The following TMEM209 variants were observed in gnomAD, a reference collection of about 807,000 sequenced individuals.
The protein encoded by TMEM209 is transmembrane protein 209.
In TMEM209, 65 loss-of-function variants were observed where a neutral mutation model predicts 76.2. The ratio of observed to expected loss-of-function variants is 0.85; its 90% CI spans 0.70 to 1.05. The LOEUF is 1.05. Among genes scored for constraint, TMEM209 ranks in the 50% least tolerant of loss-of-function variants. The pLI, the probability that TMEM209 is intolerant of heterozygous loss-of-function variation, is 0.00. For synonymous variants in TMEM209, 239 were observed against 237.6 expected, an observed-to-expected ratio of 1.01 and a Z score of -0.06; for missense variants, 623 against 685.5, an observed-to-expected ratio of 0.91 and a Z score of 1.02.
In TMEM209 at chr7:130,203,819, G is replaced by C; in HGVS notation, c.168C>G (p.Tyr56Ter). 6.2e-7 allele frequency: 1 copy of C among 1,605,664 alleles called. No homozygotes were observed. The change falls in exon 3 of 15, where the codon TAC becomes TAG. Residue 56 changes from tyrosine (Y) to a stop codon, truncating the protein, a stop_gained. Transcript: ENST00000397622. LOFTEE classifies it high-confidence loss of function. ...EMTGKLISSYYNVTYWPLWYI... is the reference protein window; with the variant it reads ...EMTGKLISSY ...ACCAGAGGGGCCAGTATGTCACATT[G>C]TAGTATGAACTAATCAATTTTCCAG...
intron 5 of TMEM209, among the ~76,000 whole-genome samples, chr7:130,197,108 A>G (rs1159068505): frequency 6.6e-6 from 1 of 152,196 alleles, no homozygotes; most frequent in East Asian, 1.9e-4. Flanking sequence ...AAAATTAAAA[A>G]TTGATACATA....
At chr7:130,176,414 C>T (rs1797239192) in intron 10 of TMEM209, among the ~76,000 whole-genome samples, 1 of 152,070 alleles carries the variant, frequency 6.6e-6, no homozygotes, top group South Asian at 2.1e-4. Flanking sequence ...AGCCACCGTG[C>T]CCAGCCCACT....
intron 6 of TMEM209, among the ~76,000 whole-genome samples, chr7:130,190,332 A>T (rs2117009733): frequency 6.6e-6 from 1 of 152,282 alleles, no homozygotes; most frequent in East Asian, 1.9e-4. Context: ...AGCCTGGCCA[A>T]CAAGGGGAAA....
In TMEM209 at chr7:130,201,944, G is replaced by C. The variant is rs1389163987; in HGVS notation, c.479C>G (p.Thr160Ser). 6.2e-7 allele frequency: 1 copy of C among 1,613,964 alleles called. No individual in the cohort carries two copies. The highest frequency in any genetic ancestry group is 1.7e-5 in the Admixed American group (1 of 60,016). ...ACCTTGCAGCTGAGGGCTGTAACCA[G>C]TCATACAGCTGGTGGTGAACTTGGG... ...TSPKFTTSCM[T>S]GYSPQLQGLS... Residue 160 changes from threonine (T) to serine (S), a missense_variant, in exon 5 of 15, where the codon ACT (threonine) becomes AGT (serine). Coordinates refer to ENST00000397622, the MANE Select transcript of TMEM209 (RefSeq NM_032842.4).
At chr7:130,205,105 C>T in intron 1 of TMEM209, 1 of 1,413,434 alleles carries the variant, frequency 7.1e-7, no homozygotes, top group Non-Finnish European at 9.2e-7. Flanking sequence ...GTTCCAGCGA[C>T]AAGCAGTCGT....
intron 7 of TMEM209, 120 bp downstream of exon 7, chr7:130,185,072 T>C (rs1219768300): frequency 3.3e-6 from 4 of 1,205,280 alleles, no homozygotes; most frequent in Non-Finnish European, 4.5e-6. Flanking sequence ...GCCTAATGTG[T>C]GCCAGATTTA....
At chr7:130,191,510 A>G (rs565006024) in intron 6 of TMEM209, among the ~76,000 whole-genome samples, 11 of 152,268 alleles carry the variant, frequency 7.2e-5, no homozygotes, top group African/African-American at 2.6e-4. Context: ...TCAATATACC[A>G]AAGCCATTTA....
At chr7:130,195,042 C>A (rs1584691596) in intron 5 of TMEM209, among the ~76,000 whole-genome samples, 1 of 151,988 alleles carries the variant, frequency 6.6e-6, no homozygotes, top group African/African-American at 2.4e-5. Flanking sequence ...TGCTTACGGG[C>A]CATAATATTT....
intron 6 of TMEM209, among the ~76,000 whole-genome samples, chr7:130,188,009 A>T (rs953416145): frequency 1.3e-5 from 2 of 152,216 alleles, no homozygotes; most frequent in African/African-American, 4.8e-5. Flanking sequence ...AATAACATTT[A>T]AAAAGTGTGT....
chr7:130,171,503 A>G (rs1797065568), intron 13 of TMEM209, among the ~76,000 whole-genome samples: 1 of 152,216 alleles, frequency 6.6e-6, no homozygotes, highest in Non-Finnish European at 1.5e-5. Flanking sequence ...AAAAAAAAAC[A>G]GATGGTGGTT....
At chr7:130,188,358 A>G (rs1452885884) in intron 6 of TMEM209, among the ~76,000 whole-genome samples, 1 of 152,180 alleles carries the variant, frequency 6.6e-6, no homozygotes, top group Admixed American at 6.5e-5. Flanking sequence ...GCACTTTGGG[A>G]GGCCAAGGCG....
At chr7:130,168,688 G>A (rs1392923153) in intron 14 of TMEM209, among the ~76,000 whole-genome samples, 1 of 152,122 alleles carries the variant, frequency 6.6e-6, no homozygotes, top group African/African-American at 2.4e-5. Context: ...AATAAAGCCA[G>A]GTGGAGTGGC....
rs1003188712 is a variant in TMEM209 at position 130,188,918 on chromosome 7, C to G, written c.776-3551G>C. The stretch of plus-strand genomic sequence containing the variant: ...ATCTAACAGTAACAAAATGATCAAA[C>G]AAATCTGAATTTTCAAAACAACAGC... On this transcript the variant is annotated intron_variant, in intron 6 of 14. Coordinates refer to ENST00000397622, the MANE Select transcript of TMEM209 (RefSeq NM_032842.4). 5.9e-5 allele frequency among the ~76,000 whole-genome samples: 9 copies of G among 152,154 alleles called. No homozygotes were observed. The South Asian group carries it at 1.7e-3, about 28-fold the overall frequency.
chr7:130,171,812 G>A (rs1584665090), intron 13 of TMEM209, among the ~76,000 whole-genome samples: 3 of 152,230 alleles, frequency 2.0e-5, no homozygotes, highest in South Asian at 2.1e-4. Context: ...GGCGGATCAC[G>A]AGGTCAGGAG....
chr7:130,193,121 C>T (rs1797856075), intron 5 of TMEM209, among the ~76,000 whole-genome samples: 2 of 152,322 alleles, frequency 1.3e-5, no homozygotes, highest in Admixed American at 6.5e-5. Context: ...CTTACGGCCA[C>T]ACACAAACCT....
At chr7:130,201,710 C>G (rs2117036964) in intron 5 of TMEM209, 140 bp downstream of exon 5, 2 of 1,038,322 alleles carry the variant, frequency 1.9e-6, no homozygotes, top group South Asian at 1.7e-5. Context: ...ATATTATGTT[C>G]TATTCTCGGT....
intron 5 of TMEM209, among the ~76,000 whole-genome samples, chr7:130,195,278 C>G (rs541375400): frequency 3.9e-5 from 6 of 152,088 alleles, no homozygotes; most frequent in Non-Finnish European, 7.4e-5. Flanking sequence ...TTTCATCCCT[C>G]TTCATCTAGC....
At chr7:130,174,894 G>A (rs1797184566) in intron 11 of TMEM209, among the ~76,000 whole-genome samples, 1 of 151,972 alleles carries the variant, frequency 6.6e-6, no homozygotes. Flanking sequence ...TAGGTAGGAG[G>A]AGGCTGAAGT....
At chr7:130,171,402 C>T (rs1191898788) in intron 13 of TMEM209, among the ~76,000 whole-genome samples, 3 of 151,908 alleles carry the variant, frequency 2.0e-5, no homozygotes, top group Non-Finnish European at 2.9e-5. Context: ...TTAACTTTTC[C>T]CCACTTACTC....
Sources: gnomAD v4.1 joint callset for allele counts (sites outside exome capture counted in the v4.1 genomes callset) on GRCh38, gnomAD v4.1.1 for gene constraint, MANE v1.5 for transcripts, NCBI Gene and HGNC (gene_info 2026-07-23, HGNC 2026-07-21) for gene names.